SYNJ2: variants seen among roughly 807,000 people sequenced by gnomAD.
SYNJ2 encodes polyphosphatidylinositol phosphatase SYNJ2.
In SYNJ2, 116 loss-of-function variants were observed where a neutral mutation model predicts 141.3. The ratio of observed to expected loss-of-function variants is 0.82; its 90% CI spans 0.71 to 0.96. The LOEUF (loss-of-function observed/expected upper bound fraction) is 0.96, where lower values mean the gene tolerates loss of function less well. Ranked by LOEUF, SYNJ2 falls within the 40% of genes least tolerant of loss-of-function variation. The pLI is 0.00. For missense variants in SYNJ2, 1,873 were observed against 1,934.8 expected (o/e 0.97, Z 0.60); for synonymous variants, 745 against 777.7 (o/e 0.96, Z 0.70).
At chr6:158,095,443 T>C (rs759421707) in intron 26 of SYNJ2, among the ~76,000 whole-genome samples, 175 bp from the exon 27 acceptor site, 2 of 152,182 alleles carry the variant, frequency 1.3e-5, no homozygotes, top group Non-Finnish European at 2.9e-5. Flanking sequence ...TCTCCTGTGC[T>C]TTTTCTTTTT....
At chr6:158,039,402 G>A (rs544404227) in intron 4 of SYNJ2, among the ~76,000 whole-genome samples, 1 of 152,246 alleles carries the variant, frequency 6.6e-6, no homozygotes, top group African/African-American at 2.4e-5. Flanking sequence ...CAGGGAAGCA[G>A]CCCCGTGAGG....
chr6:158,013,532 T>A (rs1364892755), intron 1 of SYNJ2, among the ~76,000 whole-genome samples: 2 of 152,228 alleles, frequency 1.3e-5, no homozygotes, highest in East Asian at 3.8e-4. Context: ...GATGAATGGC[T>A]GTTTTCCTAG....
chr6:158,049,688 C>T (rs1780451442), intron 5 of SYNJ2, among the ~76,000 whole-genome samples: 1 of 152,210 alleles, frequency 6.6e-6, no homozygotes, highest in Admixed American at 6.5e-5. Context: ...GTCATGGTGT[C>T]CCTGAGGCTC....
chr6:158,043,866 G>A lies in SYNJ2; in HGVS notation c.795+467G>A, dbSNP rs756212505. 7.9e-5 allele frequency among the ~76,000 whole-genome samples: 12 copies of A among 152,314 alleles called. No individual in the cohort carries two copies. The highest frequency in any genetic ancestry group is 2.2e-4 in the African/African-American group (9 of 41,570). On this transcript the variant is annotated intron_variant, in intron 5 of 26. Transcript: ENST00000355585. The surrounding 1 kb of genome is among the most constrained non-coding windows in gnomAD (Gnocchi z 4.0). ...CACGTGAGACTTCCACAGCTTTCCC[G>A]TGATTTCTAAAAATACCCCTTGCCG... is the stretch of plus-strand genomic sequence containing the variant.
At chr6:157,985,649 G>A (rs957246300) in intron 1 of SYNJ2, among the ~76,000 whole-genome samples, 3 of 152,284 alleles carry the variant, frequency 2.0e-5, no homozygotes, top group Admixed American at 2.0e-4. Flanking sequence ...TATTGTTAAT[G>A]GATTTTGTGT....
intron 1 of SYNJ2, among the ~76,000 whole-genome samples, chr6:157,984,483 C>T (rs1170457871): frequency 1.3e-5 from 2 of 152,060 alleles, no homozygotes; most frequent in African/African-American, 4.8e-5. Context: ...ACTGCAACAC[C>T]GCCACCCCCA....
intron 6 of SYNJ2, among the ~76,000 whole-genome samples, chr6:158,057,671 G>A (rs1780951303): frequency 6.6e-6 from 1 of 152,258 alleles, no homozygotes; most frequent in South Asian, 2.1e-4. Flanking sequence ...GGAACCAGTT[G>A]AGAAGAAGGG....
At chr6:158,061,933 T>G in intron 7 of SYNJ2, 59 bp from the exon 8 acceptor site, 1 of 1,550,300 alleles carries the variant, frequency 6.5e-7, no homozygotes, top group South Asian at 1.2e-5. Context: ...GCAAGGAGCT[T>G]GCCCTCCTCG....
chr6:158,074,327 C>T (rs557359757), intron 15 of SYNJ2, among the ~76,000 whole-genome samples: 3 of 152,214 alleles, frequency 2.0e-5, no homozygotes, highest in African/African-American at 4.8e-5. Context: ...TGCTCTCCTC[C>T]GTTTAGGGTA....
At chr6:158,083,276 A>C (rs2758273) in intron 20 of SYNJ2, among the ~76,000 whole-genome samples, 153 bp from the exon 21 acceptor site, 100,472 of 151,866 alleles carry the variant, frequency 0.66, 34,244 homozygotes, top group African/African-American at 0.84. Flanking sequence ...AGCTATGCTG[A>C]GCCTGCGTGA....
chr6:158,063,982 A>G, intron 9 of SYNJ2, 110 bp downstream of exon 9: 2 of 1,133,168 alleles, frequency 1.8e-6, no homozygotes, highest in Non-Finnish European at 2.6e-6. Flanking sequence ...CATCACCAAG[A>G]CAACCTTCTG....
chr6:158,074,356 C>T (rs1782131707), intron 15 of SYNJ2, among the ~76,000 whole-genome samples: 7 of 152,136 alleles, frequency 4.6e-5, no homozygotes, highest in Admixed American at 4.6e-4. Context: ...CTTCAAACCA[C>T]TCAGAAACAC....
chr6:158,076,340 C>T lies in SYNJ2; in HGVS notation c.2293-286C>T, dbSNP rs114090887. 6.5e-3 allele frequency among the ~76,000 whole-genome samples: 992 copies of T among 152,270 alleles called. 10 individuals are homozygous for T. Among genetic ancestry groups the T allele is most frequent in the African/African-American group, 0.023 (944 of 41,546 alleles). On this transcript the variant is annotated intron_variant, in intron 16 of 26. Transcript: ENST00000355585. ...AGCACCCCTGACCCGTGCCTCGGAC[C>T]CTGCACTGTCTCCTGGGGGGCAACA... is the stretch of plus-strand genomic sequence containing the variant.
intron 1 of SYNJ2, among the ~76,000 whole-genome samples, chr6:157,998,784 A>T (rs1053257708): frequency 6.6e-5 from 10 of 152,246 alleles, no homozygotes; most frequent in African/African-American, 2.4e-4. Flanking sequence ...GAAGTGTAAC[A>T]TACATAGAGA....
intron 4 of SYNJ2, among the ~76,000 whole-genome samples, chr6:158,036,029 G>T (rs748824156): frequency 6.6e-6 from 1 of 151,004 alleles, no homozygotes; most frequent in East Asian, 1.9e-4. Context: ...TCAAAAGAAG[G>T]CATACATGCG....
At position 158,086,892 on chromosome 6, in the gene SYNJ2, A is replaced by G; in HGVS notation, c.3246A>G (p.Glu1082=). The G allele has an allele frequency of 6.2e-7, 1 of 1,610,944 alleles. No homozygotes were observed. Among genetic ancestry groups the G allele is most frequent in the Non-Finnish European group, 8.5e-7 (1 of 1,180,026 alleles). The change falls in exon 23 of 27, where the codon GAA becomes GAG. Residue 1082 remains glutamate (E), a synonymous_variant. Coordinates refer to ENST00000355585, the MANE Select transcript of SYNJ2 (RefSeq NM_003898.4). ...TGGTGGAGCTCAAGCGGGAGCTGGA[A>G]GCCGTCGGGGAGTTCCGCCACCGTT... is the stretch of plus-strand genomic sequence containing the variant. ...ADLVELKREL[E]AVGEFRHRSP...
In SYNJ2 at chr6:158,095,721, T is replaced by A; in HGVS notation, c.3848T>A (p.Val1283Asp). 1 of 1,613,462 alleles carries A rather than the reference T, an allele frequency of 6.2e-7. No homozygotes were observed. The highest frequency in any genetic ancestry group is 1.1e-5 in the South Asian group (1 of 91,022). ...CCTCCTGTCGTGACAGCCCCTCGAG[T>A]CCCTCCTGTTCCCAAACCAAGAACA... ...EAPPVVTAPR[V>D]PPVPKPRTFQ... The change falls in exon 27 of 27, where the codon GTC becomes GAC. Residue 1283 changes from valine (V) to aspartate (D), a missense_variant. Val to Asp is a radical substitution (Grantham distance 152, BLOSUM62 -3). Coordinates refer to ENST00000355585, the MANE Select transcript of SYNJ2 (RefSeq NM_003898.4).
At chr6:158,035,414 TA>T (rs1779586706) in intron 4 of SYNJ2, among the ~76,000 whole-genome samples, 1 of 152,222 alleles carries the variant, frequency 6.6e-6, no homozygotes, top group Non-Finnish European at 1.5e-5. Context: ...ACTGTATTGC[TA>T]GGTATTTTAT....
intron 5 of SYNJ2, among the ~76,000 whole-genome samples, chr6:158,044,924 A>T (rs1274222064): frequency 6.6e-6 from 1 of 152,128 alleles, no homozygotes; most frequent in Non-Finnish European, 1.5e-5. Context: ...AGAATGAAAG[A>T]ATTGATCGAA....
Sources: gnomAD v4.1 joint callset for allele counts (sites outside exome capture counted in the v4.1 genomes callset) on GRCh38, gnomAD v4.1.1 for gene constraint, Gnocchi (gnomAD v3.1) non-coding constraint, MANE v1.5 for transcripts, NCBI Gene and HGNC (gene_info 2026-07-23, HGNC 2026-07-21) for gene names.